Variants in BMP6 observed in about 807,000 individuals in gnomAD.
BMP6 encodes the protein bone morphogenetic protein 6.
In BMP6, 17 loss-of-function variants were observed where a neutral mutation model predicts 54.1. That is an observed-to-expected ratio of 0.31 (90% CI 0.22 to 0.47). BMP6 has a LOEUF of 0.47. Among genes scored for constraint, BMP6 ranks in the 20% least tolerant of loss-of-function variants. The pLI, the probability that BMP6 is intolerant of heterozygous loss-of-function variation, is 1.00. For missense variants in BMP6, 720 were observed against 690.4 expected (o/e 1.04, Z -0.48); for synonymous variants, 328 against 291.2 (o/e 1.13, Z -1.28).
At chr6:7,839,384 T>C (rs1445255421) in intron 1 of BMP6, among the ~76,000 whole-genome samples, 1 of 152,244 alleles carries the variant, frequency 6.6e-6, no homozygotes, top group Non-Finnish European at 1.5e-5. Flanking sequence ...TCACATTGAT[T>C]GTGCCACTAT....
chr6:7,737,202 T>G (rs1761968576), intron 1 of BMP6, among the ~76,000 whole-genome samples: 1 of 150,920 alleles, frequency 6.6e-6, no homozygotes. Flanking sequence ...AAAAAAGAGC[T>G]TGGGGCCATG....
At chr6:7,772,319 A>G (rs1421451542) in intron 1 of BMP6, among the ~76,000 whole-genome samples, 2 of 152,196 alleles carry the variant, frequency 1.3e-5, no homozygotes, top group Non-Finnish European at 1.5e-5. Flanking sequence ...TTTCTCACAT[A>G]CAGAATTATA....
chr6:7,851,901 C>T (rs1759147974), intron 2 of BMP6, among the ~76,000 whole-genome samples: 1 of 151,986 alleles, frequency 6.6e-6, no homozygotes, highest in Non-Finnish European at 1.5e-5. Context: ...AACCTCATAT[C>T]CCTGGAACAA....
chr6:7,745,628 A>G (rs1757334566), intron 1 of BMP6, among the ~76,000 whole-genome samples: 1 of 152,140 alleles, frequency 6.6e-6, no homozygotes, highest in African/African-American at 2.4e-5. Context: ...TGACAGAGTT[A>G]ATTTGGTTGT....
chr6:7,806,849 A>G (rs1336779256), intron 1 of BMP6, among the ~76,000 whole-genome samples: 1 of 152,230 alleles, frequency 6.6e-6, no homozygotes, highest in Non-Finnish European at 1.5e-5. Flanking sequence ...CAAGAGGCCA[A>G]TTAATGTAGC....
intron 2 of BMP6, among the ~76,000 whole-genome samples, chr6:7,856,800 T>G (rs1373201875): frequency 3.1e-4 from 47 of 151,086 alleles, no homozygotes; most frequent in Non-Finnish European, 1.3e-4. Context: ...GTTTCACCGT[T>G]TTAGCCGGGA....
intron 1 of BMP6, among the ~76,000 whole-genome samples, chr6:7,793,453 C>T (rs1279172271): frequency 6.6e-6 from 1 of 152,110 alleles, no homozygotes; most frequent in East Asian, 1.9e-4. Context: ...AGATGCATGT[C>T]ATTATACGGT....
intron 1 of BMP6, among the ~76,000 whole-genome samples, chr6:7,822,663 TC>T (rs1288490162): frequency 6.6e-6 from 1 of 152,164 alleles, no homozygotes; most frequent in African/African-American, 2.4e-5. Flanking sequence ...CCAGATGCTC[TC>T]CTTTTTCTCA....
intron 2 of BMP6, among the ~76,000 whole-genome samples, chr6:7,846,004 C>T (rs1185108626): frequency 6.6e-6 from 1 of 152,172 alleles, no homozygotes; most frequent in Non-Finnish European, 1.5e-5. Flanking sequence ...GTCGTTAGTA[C>T]AGAAGAAGCC....
At chr6:7,803,450 T>A (rs939159724) in intron 1 of BMP6, among the ~76,000 whole-genome samples, 3 of 152,140 alleles carry the variant, frequency 2.0e-5, no homozygotes, top group Non-Finnish European at 4.4e-5. Context: ...CCCACTGCCT[T>A]CTCGTTGGCA....
At chr6:7,839,431 GCTGA>G (rs1157099729) in intron 1 of BMP6, among the ~76,000 whole-genome samples, 3 of 152,204 alleles carry the variant, frequency 2.0e-5, no homozygotes, top group Admixed American at 6.5e-5. Flanking sequence ...TTCTTCCCAA[GCTGA>G]CTATTTGGGT....
In BMP6 at chr6:7,813,134, T is replaced by A. The variant is rs867909546; in HGVS notation, c.665-32006T>A. On this transcript the variant is annotated intron_variant, in intron 1 of 6. Transcript: ENST00000283147. ...ATATATATATATATATATATATATA[T>A]ATATATATATATATAAAATTAGTGG... Among the ~76,000 whole-genome samples the A allele has an allele frequency of 8.2e-3, 702 of 85,348 alleles. 73 individuals carry two copies. Among genetic ancestry groups the A allele is most frequent in the Middle Eastern group, 0.037 (6 of 160 alleles). 56.0% of individuals were successfully genotyped at this position (85,348 alleles called of 152,430 possible).
intron 2 of BMP6, among the ~76,000 whole-genome samples, chr6:7,859,382 C>T (rs999533100): frequency 6.6e-6 from 1 of 152,124 alleles, no homozygotes; most frequent in African/African-American, 2.4e-5. Context: ...ATCTAGTCAT[C>T]AGAGGTAACT....
At chr6:7,839,745 T>C (rs1315879089) in intron 1 of BMP6, among the ~76,000 whole-genome samples, 1 of 152,242 alleles carries the variant, frequency 6.6e-6, no homozygotes. Flanking sequence ...CTTTTGGCTA[T>C]TGTGAATAAT....
At chr6:7,869,146 C>T (rs1426663883) in intron 4 of BMP6, among the ~76,000 whole-genome samples, 3 of 152,234 alleles carry the variant, frequency 2.0e-5, no homozygotes, top group Non-Finnish European at 4.4e-5. Context: ...GCGTGGTGGC[C>T]CTCCAGCCCC....
At position 7,737,994 on chromosome 6, in the gene BMP6, A is replaced by G. The variant is rs531340184; in HGVS notation, c.664+10375A>G. On this transcript the variant is annotated intron_variant, in intron 1 of 6. Transcript: ENST00000283147. ...TTTTTTTTTTCTTCTTTTTTGTAAT[A>G]TCTTGTTCAAGCCACTTAACCAAAT... Among the ~76,000 whole-genome samples the G allele has an allele frequency of 3.9e-4, 59 of 150,780 alleles. No homozygotes were observed. The East Asian group carries it at 8.0e-3, about 20-fold the overall frequency.
rs199518216 is a variant in BMP6 at position 7,727,238 on chromosome 6, C to A, written c.283C>A (p.Pro95Thr). 1.7e-5 allele frequency: 27 copies of A among 1,606,518 alleles called. No individual in the cohort carries two copies. The highest frequency in any genetic ancestry group is 1.7e-4 in the Middle Eastern group (1 of 6,000). Residue 95 changes from proline (P) to threonine (T), a missense_variant, in exon 1 of 7, where the codon CCC becomes ACC. By Grantham distance (38) the Pro-to-Thr change is conservative. This residue lies in a region of BMP6 where 650 missense variants were observed against 556.3 expected (regional missense o/e 1.17). Coordinates refer to ENST00000283147, the MANE Select transcript of BMP6 (RefSeq NM_001718.6). ...GCTGGGGCTCCCGCACCGGCCCCGG[C>A]CCCTGCACGGCCTCCAACAGCCGCA... ...SVLGLPHRPR[P>T]LHGLQQPQPP...
At chr6:7,793,831 G>A (rs1400089635) in intron 1 of BMP6, among the ~76,000 whole-genome samples, 1 of 152,176 alleles carries the variant, frequency 6.6e-6, no homozygotes, top group African/African-American at 2.4e-5. Context: ...GATATCCACG[G>A]GCTGTCAGTC....
chr6:7,872,630 CA>C (rs369368174), intron 4 of BMP6, among the ~76,000 whole-genome samples: 6 of 152,154 alleles, frequency 3.9e-5, no homozygotes, highest in African/African-American at 1.4e-4. Flanking sequence ...ACAGCAGGTT[CA>C]CAGAAACCCA....
Sources: allele counts gnomAD v4.1 joint callset (sites outside exome capture counted in the v4.1 genomes callset), GRCh38; gene constraint gnomAD v4.1.1; regional missense constraint gnomAD v4.1.1; transcripts MANE v1.5; gene names NCBI Gene and HGNC (gene_info 2026-07-23, HGNC 2026-07-21).